The following JAK2 variants were observed in gnomAD, a reference collection of about 807,000 sequenced individuals.
JAK2 encodes Janus kinase 2.
JAK2 carries 86 observed loss-of-function variants against 139.3 expected under a neutral mutation model. That is an observed-to-expected ratio of 0.62 (90% CI 0.52 to 0.74). The LOEUF is 0.74. JAK2 is among the 30% of genes least tolerant of loss of function. The pLI, the probability that JAK2 is intolerant of heterozygous loss-of-function variation, is 0.00. For missense variants in JAK2, 1,421 were observed against 1,360.3 expected, an observed-to-expected ratio of 1.04 and a Z score of -0.70; for synonymous variants, 490 against 437.7, an observed-to-expected ratio of 1.12 and a Z score of -1.49.
Position 5,022,162 on chromosome 9 carries a change from T to G in JAK2, c.175T>G (p.Ser59Ala), listed in dbSNP as rs1312201445. 6.2e-7 allele frequency: 1 copy of G among 1,614,192 alleles called. No individual in the cohort carries two copies. Among genetic ancestry groups the G allele is most frequent in the East Asian group, 2.2e-5 (1 of 44,886 alleles). ...TGAGGCAGATTATCTGACCTTTCCA[T>G]CTGGGGAGTATGTTGCAGAAGAAAT... ...KSEADYLTFPSGEYVAEEICI... is the reference protein window; with the variant it reads ...KSEADYLTFPAGEYVAEEICI... Residue 59 changes from serine (S) to alanine (A), a missense_variant, in exon 3 of 25, where the codon TCT becomes GCT. Transcript: ENST00000381652.
At chr9:5,009,351 A>G (rs543383030) in intron 2 of JAK2, among the ~76,000 whole-genome samples, 16 of 152,198 alleles carry the variant, frequency 1.1e-4, no homozygotes, top group Non-Finnish European at 2.4e-4. Flanking sequence ...TATAGTGGCT[A>G]CATCTGATAC....
At chr9:5,028,690 C>A (rs949531192) in intron 3 of JAK2, among the ~76,000 whole-genome samples, 1 of 152,212 alleles carries the variant, frequency 6.6e-6, no homozygotes, top group Non-Finnish European at 1.5e-5. Flanking sequence ...TCTCCATCAA[C>A]ACTTGCTGCT....
intron 4 of JAK2, chr9:5,041,411 C>T (rs1055614494): frequency 7.9e-6 from 5 of 630,364 alleles, no homozygotes; most frequent in South Asian, 3.2e-5. Context: ...CCTGGAGGTG[C>T]TGGGCCACAT....
rs183632352 is a variant in JAK2, at chr9:5,080,214, C to T, written c.2132-15C>T. On this transcript the variant is annotated splice_polypyrimidine_tract_variant and intron_variant, in intron 16 of 24. Coordinates refer to ENST00000381652, the MANE Select transcript of JAK2 (RefSeq NM_004972.4). ...GTGAATTATTTAACCCTACTCTGTTCGTATCATTTAAAAGTTCTTCAGGAG... is the reference window on the plus strand; with the variant it reads ...GTGAATTATTTAACCCTACTCTGTTTGTATCATTTAAAAGTTCTTCAGGAG... The T allele has an allele frequency of 2.6e-4, 412 of 1,592,004 alleles. 1 individual carries two copies. Among genetic ancestry groups the T allele is most frequent in the East Asian group, 6.7e-4 (30 of 44,698 alleles).
intron 19 of JAK2, among the ~76,000 whole-genome samples, chr9:5,084,052 CT>C (rs1819904718): frequency 1.3e-5 from 2 of 151,880 alleles, no homozygotes; most frequent in African/African-American, 4.8e-5. Context: ...AGTTAATGTT[CT>C]TTTGCTTTTT....
intron 4 of JAK2, among the ~76,000 whole-genome samples, chr9:5,043,460 G>T (rs1816766088): frequency 6.6e-6 from 1 of 152,220 alleles, no homozygotes; most frequent in South Asian, 2.1e-4. Flanking sequence ...ACAAGTGTTA[G>T]AGAATTTGGA....
chr9:4,994,436 G>C (rs1395155489), intron 2 of JAK2, among the ~76,000 whole-genome samples: 2 of 152,202 alleles, frequency 1.3e-5, no homozygotes, highest in Non-Finnish European at 2.9e-5. Context: ...AGTGGGACTT[G>C]AGGATTTGCA....
chr9:4,999,787 A>G (rs1446826161), intron 2 of JAK2, among the ~76,000 whole-genome samples: 2 of 152,210 alleles, frequency 1.3e-5, no homozygotes, highest in African/African-American at 2.4e-5. Context: ...TCTGTTGGCT[A>G]AGTTGCCACA....
At chr9:5,070,336 G>A (rs937419930) in intron 12 of JAK2, among the ~76,000 whole-genome samples, 5 of 151,672 alleles carry the variant, frequency 3.3e-5, no homozygotes, top group Non-Finnish European at 5.9e-5. Context: ...GACCTATATC[G>A]CAACTCCCAA....
Position 5,078,630 on chromosome 9 carries a change from A to G in JAK2, c.2131+186A>G, listed in dbSNP as rs374968820. ...GTCTCTATTTTTCTTTCTTATAAGC[A>G]TATAACCATGGACTGTGAGGTGATT... is the stretch of plus-strand genomic sequence containing the variant. On this transcript the variant is annotated intron_variant, in intron 16 of 24. Coordinates refer to ENST00000381652, the MANE Select transcript of JAK2 (RefSeq NM_004972.4). Among the ~76,000 whole-genome samples, 30 of 152,300 alleles carry G rather than the reference A, an allele frequency of 2.0e-4. 1 individual carries two copies. The South Asian group carries it at 6.2e-3, about 32-fold the overall frequency.
chr9:5,048,909 T>C lies in JAK2; in HGVS notation c.469-1777T>C, dbSNP rs533527191. On this transcript the variant is annotated intron_variant, in intron 5 of 24. Transcript: ENST00000381652. The stretch of plus-strand genomic sequence containing the variant: ...TTTAGGTAATATGGCTCTTACCTTT[T>C]TTTCTACAAAGAAAATTGGTATTAT... Among the ~76,000 whole-genome samples, 14 of 152,270 alleles carry C rather than the reference T, an allele frequency of 9.2e-5. No homozygotes were observed. The East Asian group carries it at 9.7e-4, about 10-fold the overall frequency.
At chr9:5,050,914 G>A (rs1415568879) in intron 6 of JAK2, 83 bp downstream of exon 6, 3 of 1,224,876 alleles carry the variant, frequency 2.4e-6, no homozygotes, top group Middle Eastern at 2.5e-4. Flanking sequence ...GTTTACCCAT[G>A]CCTTTTGATT....
At chr9:5,008,070 C>T (rs7030260) in intron 2 of JAK2, among the ~76,000 whole-genome samples, 1 of 151,888 alleles carries the variant, frequency 6.6e-6, no homozygotes, top group African/African-American at 2.4e-5. Context: ...CACAGAATAA[C>T]ATGAGTGGGT....
intron 2 of JAK2, among the ~76,000 whole-genome samples, chr9:5,000,721 ATAAT>A (rs1377763600): frequency 6.6e-6 from 1 of 152,194 alleles, no homozygotes; most frequent in Non-Finnish European, 1.5e-5. Flanking sequence ...TGTCTTAAAA[ATAAT>A]TAGTTTGTGG....
At position 5,128,050 on chromosome 9, in the gene JAK2, C is replaced by A. The variant is rs996717395; in HGVS notation, c.*1259C>A. ...TGTTATAGTGCTACTCCACTTTAGA[C>A]ACCATAGCTAAAATAAAATATGGTG... On this transcript the variant is annotated 3_prime_UTR_variant, in exon 25 of 25. Transcript: ENST00000381652. The A allele has an allele frequency of 2.6e-5, 6 of 230,766 alleles. No individual in the cohort carries two copies. Among genetic ancestry groups the A allele is most frequent in the Non-Finnish European group, 5.1e-5 (6 of 117,038 alleles). The allele number at this position is 230,766 out of a possible 1,614,324, so 14.3% of individuals were successfully genotyped here. A position where few individuals can be genotyped will look rare whatever the true frequency, so the allele number is the denominator to read the frequency against.
Position 4,993,783 on chromosome 9 carries a change from C to T in JAK2, c.-26+7761C>T, listed in dbSNP as rs527431874. Among the ~76,000 whole-genome samples, 4 of 152,270 alleles carry T rather than the reference C, an allele frequency of 2.6e-5. No individual in the cohort carries two copies. The South Asian group carries it at 6.2e-4, about 24-fold the overall frequency. On this transcript the variant is annotated intron_variant, in intron 2 of 24. Coordinates refer to ENST00000381652, the MANE Select transcript of JAK2 (RefSeq NM_004972.4). ...TTGAATAACTGTCATTTCTTCATAA[C>T]GTTGATAAGAAAAAAATGGATTCCT...
intron 2 of JAK2, among the ~76,000 whole-genome samples, chr9:5,013,075 A>T (rs1337190563): frequency 6.6e-6 from 1 of 152,258 alleles, no homozygotes; most frequent in Non-Finnish European, 1.5e-5. Flanking sequence ...AAAAAAGAGA[A>T]GAATAAAGGT....
intron 14 of JAK2, 53 bp from the exon 15 acceptor site, chr9:5,077,400 T>C (rs888530223): frequency 1.6e-6 from 1 of 611,898 alleles, no homozygotes; most frequent in Admixed American, 4.4e-5. Context: ...ATTACATATA[T>C]TTAATTATAT....
intron 2 of JAK2, among the ~76,000 whole-genome samples, chr9:4,988,834 A>T (rs77656035): frequency 0.01 from 1,578 of 152,230 alleles, 8 homozygotes; most frequent in Non-Finnish European, 0.018. Flanking sequence ...TTTTCTTCTA[A>T]TCATGTAGGC....
Sources: gnomAD v4.1 joint callset for allele counts (sites outside exome capture counted in the v4.1 genomes callset) on GRCh38, gnomAD v4.1.1 for gene constraint, MANE v1.5 for transcripts, NCBI Gene and HGNC (gene_info 2026-07-23, HGNC 2026-07-21) for gene names.